FOXP2: variants seen among roughly 807,000 people sequenced by gnomAD.
FOXP2 encodes the protein forkhead box protein P2.
FOXP2 carries 12 observed loss-of-function variants against 115.8 expected under a neutral mutation model. That is an observed-to-expected ratio of 0.10 (90% CI 0.07 to 0.17). The LOEUF is 0.17. Ranked by LOEUF, FOXP2 falls within the 10% of genes least tolerant of loss-of-function variation. The pLI, the probability that FOXP2 is intolerant of heterozygous loss-of-function variation, is 1.00. For missense variants in FOXP2, 629 were observed against 843.5 expected (o/e 0.75, Z 3.15); for synonymous variants, 328 against 297.7 (o/e 1.10, Z -1.05).
At chr7:114,449,895 T>C (rs984507652) in intron 2 of FOXP2, among the ~76,000 whole-genome samples, 1 of 152,120 alleles carries the variant, frequency 6.6e-6, no homozygotes, top group Non-Finnish European at 1.5e-5. Context: ...ATAAATGTCA[T>C]TATTATTCTA....
chr7:114,284,727 A>G (rs1043448208), intron 1 of FOXP2, among the ~76,000 whole-genome samples: 14 of 152,310 alleles, frequency 9.2e-5, no homozygotes, highest in Admixed American at 1.3e-4. Context: ...AAAGGAATAT[A>G]AATTGTTCTG....
At chr7:114,651,065 C>A (rs192769613) in intron 8 of FOXP2, among the ~76,000 whole-genome samples, 33 of 152,058 alleles carry the variant, frequency 2.2e-4, no homozygotes, top group African/African-American at 8.0e-4. Context: ...TCACTGTGAT[C>A]TTCAAGAAAT....
In FOXP2 at chr7:114,485,655, G is replaced by A. The variant is rs114225702; in HGVS notation, c.169-48962G>A. ...TGCTAATAACAATAAGAAGAATAAG[G>A]AGGAGGATAATATCTAATATGTATT... On this transcript the variant is annotated intron_variant, in intron 2 of 16. Coordinates refer to ENST00000350908, the MANE Select transcript of FOXP2 (RefSeq NM_014491.4). Among the ~76,000 whole-genome samples, 1,092 of 152,130 alleles carry A rather than the reference G, an allele frequency of 7.2e-3. 15 individuals are homozygous for A. Among genetic ancestry groups the A allele is most frequent in the African/African-American group, 0.025 (1,026 of 41,540 alleles).
rs568675808 is a variant in FOXP2 at position 114,547,593 on chromosome 7, T to A, written c.258+12887T>A. On this transcript the variant is annotated intron_variant, in intron 3 of 16. Coordinates refer to ENST00000350908, the MANE Select transcript of FOXP2 (RefSeq NM_014491.4). ...TAACACGGTGAAACCCCGTCTCTACTAAAAAATTACAAAAAATTATCTGGG... is the reference window on the plus strand; with the variant it reads ...TAACACGGTGAAACCCCGTCTCTACAAAAAAATTACAAAAAATTATCTGGG... Among the ~76,000 whole-genome samples, 9 of 152,186 alleles carry A rather than the reference T, an allele frequency of 5.9e-5. No homozygotes were observed. In the East Asian group the frequency reaches 1.5e-3, roughly 26 times the overall value.
chr7:114,231,541 T>C (rs1485165010), intron 1 of FOXP2, among the ~76,000 whole-genome samples: 1 of 151,852 alleles, frequency 6.6e-6, no homozygotes, highest in Non-Finnish European at 1.5e-5. Flanking sequence ...TAGAACAAAA[T>C]AGAAACCCCA....
At position 114,191,826 on chromosome 7, in the gene FOXP2, C is replaced by T. The variant is rs539313415; in HGVS notation, c.-102+28738C>T. Among the ~76,000 whole-genome samples the T allele has an allele frequency of 3.9e-5, 6 of 152,044 alleles. No individual in the cohort carries two copies. In the South Asian group the frequency reaches 1.0e-3, roughly 26 times the overall value. ...GTTCATTTTTTGTGTTGTTTTTTTC[C>T]GCGGGTTTTGACAAATGTACGATGT... On this transcript the variant is annotated intron_variant, in intron 1 of 17. Coordinates refer to the FOXP2 transcript ENST00000634411.
intron 2 of FOXP2, among the ~76,000 whole-genome samples, chr7:114,438,217 T>G (rs1017803670): frequency 6.6e-6 from 1 of 152,168 alleles, no homozygotes; most frequent in Non-Finnish European, 1.5e-5. Flanking sequence ...TGGACCTAGA[T>G]TAGCTATCTT....
At chr7:114,286,718 T>C (rs1796475219) in intron 1 of FOXP2, among the ~76,000 whole-genome samples, 4 of 152,042 alleles carry the variant, frequency 2.6e-5, no homozygotes, top group Admixed American at 2.6e-4. Context: ...TTTATGACTT[T>C]GAGTTACCTT....
intron 1 of FOXP2, among the ~76,000 whole-genome samples, chr7:114,139,470 T>C (rs1440840692): frequency 1.3e-5 from 2 of 152,162 alleles, no homozygotes; most frequent in African/African-American, 2.4e-5. Context: ...TTTCCTTAGA[T>C]TGTAATATGT....
At chr7:114,414,074 A>C (rs1013124719), upstream of FOXP2, among the ~76,000 whole-genome samples, 2 of 152,136 alleles carry the variant, frequency 1.3e-5, no homozygotes, top group East Asian at 3.9e-4. Flanking sequence ...AAATTATTGC[A>C]AATAAACCTT....
intron 1 of FOXP2, among the ~76,000 whole-genome samples, chr7:114,184,028 T>C (rs1388048094): frequency 6.6e-6 from 1 of 152,220 alleles, no homozygotes; most frequent in East Asian, 1.9e-4. Flanking sequence ...TCTTTATTTT[T>C]ACTTTTTAAG....
chr7:114,446,748 T>C (rs1246809194), intron 2 of FOXP2, among the ~76,000 whole-genome samples: 2 of 118,284 alleles, frequency 1.7e-5, no homozygotes, highest in Admixed American at 8.6e-5. Flanking sequence ...TCTTTCTTTC[T>C]TTTTTTTTTT....
chr7:114,394,473 C>T (rs1019119332), intron 2 of FOXP2, among the ~76,000 whole-genome samples: 6 of 151,568 alleles, frequency 4.0e-5, no homozygotes, highest in East Asian at 1.9e-4. Context: ...AGTGAGGAAT[C>T]GGATACTTAT....
chr7:114,459,762 C>T (rs889088270), intron 2 of FOXP2, among the ~76,000 whole-genome samples: 2 of 151,988 alleles, frequency 1.3e-5, no homozygotes, highest in South Asian at 2.1e-4. Context: ...ATTACAAACA[C>T]GTGCCACCAC....
chr7:114,659,542 T>C, intron 12 of FOXP2, 30 bp from the exon 13 acceptor site: 1 of 1,597,996 alleles, frequency 6.3e-7, no homozygotes, highest in South Asian at 1.1e-5. Flanking sequence ...ACCATTATTT[T>C]ATGTCACTAT....
chr7:114,304,328 A>G (rs1265505436), intron 2 of FOXP2, among the ~76,000 whole-genome samples: 1 of 152,004 alleles, frequency 6.6e-6, no homozygotes, highest in African/African-American at 2.4e-5. Flanking sequence ...AATAAATAAA[A>G]TGTGTTAATA....
intron 2 of FOXP2, among the ~76,000 whole-genome samples, chr7:114,451,523 G>A (rs1795072739): frequency 6.6e-6 from 1 of 151,940 alleles, no homozygotes; most frequent in Non-Finnish European, 1.5e-5. Flanking sequence ...GTTTGTTCTT[G>A]TCCTTATCAG....
At chr7:114,142,392 T>G (rs570017840) in intron 1 of FOXP2, among the ~76,000 whole-genome samples, 1 of 152,170 alleles carries the variant, frequency 6.6e-6, no homozygotes, top group South Asian at 2.1e-4. Flanking sequence ...CACTATTATT[T>G]GTAGATAAAT....
At chr7:114,247,146 A>G (rs557422597) in intron 1 of FOXP2, among the ~76,000 whole-genome samples, 2 of 152,156 alleles carry the variant, frequency 1.3e-5, no homozygotes, top group African/African-American at 4.8e-5. Context: ...GCTTTTCTCA[A>G]ACAGGATTTT....
Sources: allele counts gnomAD v4.1 joint callset (sites outside exome capture counted in the v4.1 genomes callset), GRCh38; gene constraint gnomAD v4.1.1; transcripts MANE v1.5; gene names NCBI Gene and HGNC (gene_info 2026-07-23, HGNC 2026-07-21).